The following WWOX variants were observed in gnomAD, a reference collection of about 807,000 sequenced individuals.
WWOX encodes WW domain-containing oxidoreductase.
In WWOX, 69 loss-of-function variants were observed where a neutral mutation model predicts 46.2. The ratio of observed to expected loss-of-function variants is 1.49; its 90% CI spans 1.23 to 1.82. The LOEUF (loss-of-function observed/expected upper bound fraction) is 1.82, where lower values mean the gene tolerates loss of function less well. Ranked by LOEUF, WWOX falls within the 40% of genes most tolerant of loss-of-function variation. WWOX has a pLI of 0.00. For synonymous variants in WWOX, 359 were observed against 202.6 expected, an observed-to-expected ratio of 1.77 and a Z score of -6.56; for missense variants, 919 against 542.6, an observed-to-expected ratio of 1.69 and a Z score of -6.89.
chr16:78,850,676 G>C (rs79002850), intron 8 of WWOX, among the ~76,000 whole-genome samples: 1 of 152,080 alleles, frequency 6.6e-6, no homozygotes, highest in Non-Finnish European at 1.5e-5. Flanking sequence ...GCCTCATCCA[G>C]GACCTACTTG....
At chr16:78,628,525 G>A (rs1277860806) in intron 8 of WWOX, among the ~76,000 whole-genome samples, 1 of 152,126 alleles carries the variant, frequency 6.6e-6, no homozygotes, top group Admixed American at 6.5e-5. Context: ...TTAAGGATAA[G>A]AACTATATTT....
At chr16:79,044,518 A>G (rs1406660147) in intron 8 of WWOX, among the ~76,000 whole-genome samples, 1 of 152,180 alleles carries the variant, frequency 6.6e-6, no homozygotes, top group East Asian at 1.9e-4. Flanking sequence ...CCCTGGCCAC[A>G]TGACGTGCCT....
chr16:78,451,817 T>C (rs558492765), intron 8 of WWOX, among the ~76,000 whole-genome samples: 2 of 152,320 alleles, frequency 1.3e-5, no homozygotes, highest in Admixed American at 6.5e-5. Context: ...CCCAAACATA[T>C]GGAGTTACAT....
Position 78,253,330 on chromosome 16 carries a change from T to G in WWOX, c.516+89041T>G, listed in dbSNP as rs549137533. Among the ~76,000 whole-genome samples the G allele has an allele frequency of 3.9e-5, 6 of 152,322 alleles. No homozygotes were observed. The East Asian group carries it at 1.2e-3, about 29-fold the overall frequency. On this transcript the variant is annotated intron_variant, in intron 5 of 8. Coordinates refer to ENST00000566780, the MANE Select transcript of WWOX (RefSeq NM_016373.4). ...AATTATAACCATATCTAATACATATTAACTCTTATTTTACCAGTCCATGCA... is the reference window on the plus strand; with the variant it reads ...AATTATAACCATATCTAATACATATGAACTCTTATTTTACCAGTCCATGCA...
At chr16:78,382,613 G>C (rs553279467) in intron 5 of WWOX, among the ~76,000 whole-genome samples, 4 of 152,150 alleles carry the variant, frequency 2.6e-5, no homozygotes, top group African/African-American at 9.7e-5. Flanking sequence ...GGTTGGTTTT[G>C]CCAATGAAGA....
At chr16:79,128,402 A>G (rs925540124) in intron 8 of WWOX, among the ~76,000 whole-genome samples, 2 of 152,122 alleles carry the variant, frequency 1.3e-5, no homozygotes, top group African/African-American at 4.8e-5. Context: ...AAAAAACACT[A>G]AACCCCAAAT....
At chr16:78,859,558 AT>A (rs1567608979) in intron 8 of WWOX, among the ~76,000 whole-genome samples, 1 of 152,078 alleles carries the variant, frequency 6.6e-6, no homozygotes, top group Non-Finnish European at 1.5e-5. Context: ...AAAACTTCAG[AT>A]TTTTCCTGTC....
chr16:78,437,816 G>A (rs1178517315), intron 8 of WWOX, among the ~76,000 whole-genome samples: 2 of 152,142 alleles, frequency 1.3e-5, no homozygotes, highest in Admixed American at 6.5e-5. Context: ...CATCATACGT[G>A]CATTACATGT....
chr16:78,676,268 A>C (rs1230368943), intron 8 of WWOX, among the ~76,000 whole-genome samples: 3 of 151,890 alleles, frequency 2.0e-5, no homozygotes, highest in African/African-American at 7.3e-5. Flanking sequence ...AAACACAGAA[A>C]ATTAACCTGC....
rs199917633 is a variant in WWOX at position 78,955,609 on chromosome 16, AT to A, written c.1057-255991del. On this transcript the variant is annotated intron_variant, in intron 8 of 8. Coordinates refer to ENST00000566780, the MANE Select transcript of WWOX (RefSeq NM_016373.4). ...AACCTCTTTTAACTTTATTTTTTATATTTTTTTTATTTTCTTGTTTCTTTTT... is the reference window on the plus strand; with the variant it reads ...AACCTCTTTTAACTTTATTTTTTATATTTTTTTATTTTCTTGTTTCTTTTT... 9.7e-3 allele frequency among the ~76,000 whole-genome samples: 1,466 copies of A among 151,538 alleles called. 34 individuals carry two copies. Among genetic ancestry groups the A allele is most frequent in the African/African-American group, 0.033 (1,372 of 41,324 alleles).
chr16:78,871,549 G>C (rs952985279), intron 8 of WWOX, among the ~76,000 whole-genome samples: 1 of 152,162 alleles, frequency 6.6e-6, no homozygotes, highest in Non-Finnish European at 1.5e-5. Flanking sequence ...GGATGACTCT[G>C]GAGCTGTGGT....
At chr16:78,939,732 C>G (rs1597179435) in intron 8 of WWOX, among the ~76,000 whole-genome samples, 1 of 152,308 alleles carries the variant, frequency 6.6e-6, no homozygotes, top group Admixed American at 6.5e-5. Context: ...GGAAAAATCC[C>G]CATTTCTGGG....
intron 8 of WWOX, among the ~76,000 whole-genome samples, chr16:78,702,007 T>TTATATATATATATATATA (rs869227421): frequency 3.2e-3 from 187 of 57,598 alleles, no homozygotes; most frequent in Non-Finnish European, 3.9e-3. Flanking sequence ...CTACATAAAA[T>TTATATATATATATATATA]TATATATATA....
intron 5 of WWOX, among the ~76,000 whole-genome samples, chr16:78,335,162 G>A (rs975753532): frequency 1.3e-5 from 2 of 152,192 alleles, no homozygotes; most frequent in African/African-American, 2.4e-5. Flanking sequence ...GGGTACATGT[G>A]TAAGATGTGC....
chr16:78,441,959 A>AGT (rs145693201), intron 8 of WWOX, among the ~76,000 whole-genome samples: 9,701 of 139,588 alleles, frequency 0.069, 333 homozygotes, highest in South Asian at 0.17. Flanking sequence ...TATGCGCATG[A>AGT]GTGTGTGTGT....
At chr16:78,130,882 T>G (rs74719690) in intron 4 of WWOX, among the ~76,000 whole-genome samples, 2 of 152,274 alleles carry the variant, frequency 1.3e-5, no homozygotes, top group African/African-American at 4.8e-5. Context: ...ATCTGAGAAG[T>G]GTGTCAGGCA....
intron 5 of WWOX, among the ~76,000 whole-genome samples, chr16:78,174,763 G>A (rs140819003): frequency 0.02 from 3,019 of 152,186 alleles, 47 homozygotes; most frequent in Middle Eastern, 0.048. Flanking sequence ...CAAGGCGGGC[G>A]GATTGCCTGA....
At chr16:78,717,502 A>G (rs2048591114) in intron 8 of WWOX, among the ~76,000 whole-genome samples, 1 of 152,186 alleles carries the variant, frequency 6.6e-6, no homozygotes, top group Non-Finnish European at 1.5e-5. Context: ...TGTATTAAGT[A>G]TATGAACTGT....
chr16:78,743,098 C>G (rs754612096), intron 8 of WWOX, among the ~76,000 whole-genome samples: 2 of 152,042 alleles, frequency 1.3e-5, no homozygotes, highest in East Asian at 1.9e-4. Flanking sequence ...AGGAAACATC[C>G]GTCTCTCTCC....
Sources: gnomAD v4.1 joint callset for allele counts (sites outside exome capture counted in the v4.1 genomes callset) on GRCh38, gnomAD v4.1.1 for gene constraint, MANE v1.5 for transcripts, NCBI Gene and HGNC (gene_info 2026-07-23, HGNC 2026-07-21) for gene names.